DCC: variants seen among roughly 807,000 people sequenced by gnomAD.
The protein encoded by DCC is DCC netrin 1 receptor.
A neutral mutation model predicts 172.5 loss-of-function variants in DCC; 58 were observed. That is an observed-to-expected ratio of 0.34 (90% CI 0.27 to 0.42). The LOEUF (loss-of-function observed/expected upper bound fraction) is 0.42. Ranked by LOEUF, DCC falls within the 10% of genes least tolerant of loss-of-function variation. DCC has a pLI of 1.00. For synonymous variants in DCC, 709 were observed against 644.5 expected (o/e 1.10, Z -1.52); for missense variants, 1,740 against 1,791.0 (o/e 0.97, Z 0.51).
intron 12 of DCC, among the ~76,000 whole-genome samples, chr18:53,300,755 C>CA (rs2057123719): frequency 6.6e-6 from 1 of 152,100 alleles, no homozygotes; most frequent in South Asian, 2.1e-4. Context: ...GTAAGTTACT[C>CA]AGCAAGTAAA....
intron 1 of DCC, among the ~76,000 whole-genome samples, chr18:52,344,561 A>G (rs1212628369): frequency 1.3e-5 from 2 of 152,212 alleles, no homozygotes; most frequent in Non-Finnish European, 2.9e-5. Flanking sequence ...CAGTAGGGTC[A>G]TCTAGCAGGA....
chr18:53,287,643 C>T (rs1414871239), intron 12 of DCC, among the ~76,000 whole-genome samples: 1 of 152,060 alleles, frequency 6.6e-6, no homozygotes, highest in Non-Finnish European at 1.5e-5. Flanking sequence ...TGTGAAGATT[C>T]CATTTTTTTC....
At chr18:53,004,157 A>T (rs897813063) in intron 5 of DCC, among the ~76,000 whole-genome samples, 1 of 152,130 alleles carries the variant, frequency 6.6e-6, no homozygotes, top group Non-Finnish European at 1.5e-5. Context: ...GTTTTAAGGG[A>T]TCTTTCTTAT....
intron 15 of DCC, among the ~76,000 whole-genome samples, chr18:53,364,551 C>A (rs1437632385): frequency 6.6e-6 from 1 of 151,664 alleles, no homozygotes; most frequent in East Asian, 1.9e-4. Flanking sequence ...TCACAGAATT[C>A]AAAAATTACA....
chr18:52,515,928 GA>G (rs34820684), intron 1 of DCC, among the ~76,000 whole-genome samples: 1,506 of 115,046 alleles, frequency 0.013, 25 homozygotes, highest in African/African-American at 0.041. Context: ...TTAGAAAATG[GA>G]AAAAAAAAAA....
At chr18:52,459,758 C>T (rs998074753) in intron 1 of DCC, among the ~76,000 whole-genome samples, 8 of 151,882 alleles carry the variant, frequency 5.3e-5, no homozygotes, top group African/African-American at 9.7e-5. Context: ...CGTGAGCAAC[C>T]GCGCCCAGGC....
At chr18:52,352,552 C>T (rs2144247862) in intron 1 of DCC, among the ~76,000 whole-genome samples, 1 of 152,294 alleles carries the variant, frequency 6.6e-6, no homozygotes, top group Admixed American at 6.5e-5. Flanking sequence ...TAACTCTTCC[C>T]TGGTTGACCA....
chr18:53,419,445 C>A (rs185404343), intron 21 of DCC, among the ~76,000 whole-genome samples: 1 of 152,230 alleles, frequency 6.6e-6, no homozygotes, highest in African/African-American at 2.4e-5. Context: ...CCCAGCCCCC[C>A]ACTACCATTC....
intron 12 of DCC, among the ~76,000 whole-genome samples, chr18:53,283,226 GA>G: frequency 6.6e-6 from 1 of 152,208 alleles, no homozygotes; most frequent in South Asian, 2.1e-4. Context: ...CTGAATTTTA[GA>G]ATAAAAATGT....
intron 5 of DCC, among the ~76,000 whole-genome samples, chr18:52,994,363 G>T (rs9957080): frequency 0.73 from 110,264 of 151,940 alleles, 40,165 homozygotes; most frequent in East Asian, 0.75. Flanking sequence ...GTGGCAATTT[G>T]TATTCCAATT....
chr18:53,115,710 T>G (rs2043398951), intron 7 of DCC, among the ~76,000 whole-genome samples: 1 of 151,636 alleles, frequency 6.6e-6, no homozygotes, highest in Non-Finnish European at 1.5e-5. Context: ...AAAATCTATT[T>G]TAGGATTCTC....
intron 3 of DCC, among the ~76,000 whole-genome samples, chr18:52,918,847 T>A (rs2040077978): frequency 6.6e-6 from 1 of 152,206 alleles, no homozygotes; most frequent in South Asian, 2.1e-4. Context: ...AGTTATTTGG[T>A]ATTTTAAGTT....
chr18:53,467,063 A>G (rs892478991), intron 24 of DCC, among the ~76,000 whole-genome samples: 1 of 152,184 alleles, frequency 6.6e-6, no homozygotes, highest in Non-Finnish European at 1.5e-5. Flanking sequence ...AGTAAAACAT[A>G]TGTTTGCCTC....
At chr18:52,664,470 C>CTTTTTTTTTTTTTTTT (rs74178680) in intron 1 of DCC, among the ~76,000 whole-genome samples, 3 of 99,800 alleles carry the variant, frequency 3.0e-5, no homozygotes, top group African/African-American at 4.1e-5. Flanking sequence ...TTTTCTTTTT[C>CTTTTTTTTTTTTTTTT]TTTTTCTTTT....
intron 7 of DCC, among the ~76,000 whole-genome samples, chr18:53,145,658 T>G (rs534759535): frequency 1.3e-5 from 2 of 152,304 alleles, no homozygotes; most frequent in Non-Finnish European, 2.9e-5. Context: ...TGGATTAAGA[T>G]GCAGCTATTA....
chr18:53,086,380 TTTC>T lies in DCC; in HGVS notation c.1261+20233_1261+20235del, dbSNP rs1271681817. Among the ~76,000 whole-genome samples the T allele has an allele frequency of 7.5e-4, 25 of 33,264 alleles. 4 individuals are homozygous for T. Among genetic ancestry groups the T allele is most frequent in the African/African-American group, 1.8e-3 (4 of 2,230 alleles). 21.8% of individuals were successfully genotyped at this position (33,264 alleles called of 152,430 possible). On this transcript the variant is annotated intron_variant, in intron 7 of 28. Transcript: ENST00000442544. The stretch of plus-strand genomic sequence containing the variant: ...TTCTTCTTCTTCTTCTTCTTCTTCC[TTTC>T]TTCTTCTTCTTCTTCTTCCTTTCTT...
intron 1 of DCC, among the ~76,000 whole-genome samples, chr18:52,722,607 C>T (rs753539081): frequency 2.2e-4 from 33 of 152,292 alleles, no homozygotes; most frequent in Non-Finnish European, 4.3e-4. Context: ...TCGACTGGTG[C>T]AAAAGTAATG....
Position 52,756,476 on chromosome 18 carries a change from C to T in DCC, c.412+4102C>T, listed in dbSNP as rs138564606. ...CTGGATTTCAGCAGATCAAACTCACCCATATATGTGCATACATAAACATAC... is the reference window on the plus strand; with the variant it reads ...CTGGATTTCAGCAGATCAAACTCACTCATATATGTGCATACATAAACATAC... On this transcript the variant is annotated intron_variant, in intron 2 of 28. Coordinates refer to ENST00000442544, the MANE Select transcript of DCC (RefSeq NM_005215.4). 3.0e-4 allele frequency among the ~76,000 whole-genome samples: 46 copies of T among 152,276 alleles called. No individual in the cohort carries two copies. The East Asian group carries it at 8.7e-3, about 29-fold the overall frequency.
intron 12 of DCC, among the ~76,000 whole-genome samples, chr18:53,232,007 C>A (rs987081931): frequency 1.3e-5 from 2 of 152,048 alleles, no homozygotes; most frequent in African/African-American, 4.8e-5. Flanking sequence ...CTTTAAGCAA[C>A]CATTTTTGTC....
Sources: allele counts gnomAD v4.1 joint callset (sites outside exome capture counted in the v4.1 genomes callset), GRCh38; gene constraint gnomAD v4.1.1; transcripts MANE v1.5; gene names NCBI Gene and HGNC (gene_info 2026-07-23, HGNC 2026-07-21).